Variants in NRG1 observed in about 807,000 individuals in gnomAD.
The protein encoded by NRG1 is neuregulin 1.
Under a neutral mutation model 63.8 loss-of-function variants are expected in NRG1, and 18 were observed. The observed-to-expected ratio is 0.28, with a 90% confidence interval of 0.19 to 0.42. NRG1 has a LOEUF of 0.42. Ranked by LOEUF, NRG1 falls within the 10% of genes least tolerant of loss-of-function variation. The probability of loss-of-function intolerance (pLI) is 1.00; values close to 1 mark genes in which losing one functional copy is unlikely to be tolerated. For synonymous variants in NRG1, 302 were observed against 301.3 expected, an observed-to-expected ratio of 1.00 and a Z score of -0.02; for missense variants, 762 against 814.7, an observed-to-expected ratio of 0.94 and a Z score of 0.79.
At chr8:32,200,550 C>T (rs1337149479) in intron 1 of NRG1, among the ~76,000 whole-genome samples, 1 of 152,132 alleles carries the variant, frequency 6.6e-6, no homozygotes, top group Non-Finnish European at 1.5e-5. Flanking sequence ...CACTAGCTAC[C>T]TCAACTGTCC....
intron 1 of NRG1, among the ~76,000 whole-genome samples, chr8:31,686,520 T>C (rs1414160186): frequency 6.6e-6 from 1 of 152,178 alleles, no homozygotes; most frequent in Non-Finnish European, 1.5e-5. Context: ...AAAATGTTTC[T>C]GAAATGGAAA....
chr8:32,727,468 T>C (rs899294884), intron 5 of NRG1, among the ~76,000 whole-genome samples: 1 of 152,182 alleles, frequency 6.6e-6, no homozygotes, highest in African/African-American at 2.4e-5. Flanking sequence ...CTTGTGTTTC[T>C]TTTTCAATAT....
chr8:32,648,791 A>G (rs1336750920), intron 5 of NRG1, among the ~76,000 whole-genome samples: 1 of 152,136 alleles, frequency 6.6e-6, no homozygotes, highest in Non-Finnish European at 1.5e-5. Flanking sequence ...CTTCCCCATC[A>G]TAGATTTCCT....
At chr8:32,495,654 G>T (rs1018855056) in intron 1 of NRG1, among the ~76,000 whole-genome samples, 35 of 152,208 alleles carry the variant, frequency 2.3e-4, no homozygotes, top group African/African-American at 6.3e-4. Flanking sequence ...GTAGAGATGG[G>T]GTTTCGCCAC....
chr8:32,149,896 A>T (rs1236425374), intron 1 of NRG1, among the ~76,000 whole-genome samples: 1 of 152,236 alleles, frequency 6.6e-6, no homozygotes, highest in Non-Finnish European at 1.5e-5. Context: ...ATTCAAGAGG[A>T]ATACTAAATA....
intron 1 of NRG1, among the ~76,000 whole-genome samples, chr8:32,389,508 G>A (rs547826693): frequency 1.9e-4 from 29 of 152,080 alleles, no homozygotes; most frequent in Middle Eastern, 3.4e-3. Context: ...TCACTTGTCC[G>A]CTGAAAGATG....
At chr8:31,870,084 G>A (rs913078305) in intron 1 of NRG1, among the ~76,000 whole-genome samples, 11 of 152,118 alleles carry the variant, frequency 7.2e-5, no homozygotes, top group Non-Finnish European at 1.3e-4. Context: ...AATGAGTTTA[G>A]GTTTTTCTTT....
At chr8:31,745,885 T>C (rs1043139065) in intron 1 of NRG1, among the ~76,000 whole-genome samples, 1 of 151,876 alleles carries the variant, frequency 6.6e-6, no homozygotes, top group Non-Finnish European at 1.5e-5. Context: ...TGGAGGTTAT[T>C]TGAAAAATAC....
chr8:31,838,171 T>A (rs995581063), intron 1 of NRG1, among the ~76,000 whole-genome samples: 4 of 152,126 alleles, frequency 2.6e-5, no homozygotes, highest in Non-Finnish European at 4.4e-5. Context: ...TCTAAAGATG[T>A]AAAGTATGAC....
At chr8:31,712,430 G>A (rs7841434) in intron 1 of NRG1, among the ~76,000 whole-genome samples, 74,852 of 151,470 alleles carry the variant, frequency 0.49, 20,342 homozygotes, top group Non-Finnish European at 0.62. Context: ...CACCACATCC[G>A]GCTAATTTTT....
At chr8:31,857,495 G>C (rs1828029620) in intron 1 of NRG1, among the ~76,000 whole-genome samples, 1 of 152,184 alleles carries the variant, frequency 6.6e-6, no homozygotes, top group Non-Finnish European at 1.5e-5. Context: ...CGCACCCACT[G>C]ACCTGCGCCC....
At chr8:31,770,883 C>G (rs1818561722) in intron 1 of NRG1, among the ~76,000 whole-genome samples, 1 of 151,036 alleles carries the variant, frequency 6.6e-6, no homozygotes, top group Admixed American at 6.6e-5. Flanking sequence ...TCCCACAGTC[C>G]CTGTTACCTA....
At chr8:32,447,971 G>C (rs1015528674) in intron 1 of NRG1, among the ~76,000 whole-genome samples, 1 of 152,068 alleles carries the variant, frequency 6.6e-6, no homozygotes, top group African/African-American at 2.4e-5. Flanking sequence ...AATCTTAGGG[G>C]TTGAAATTTT....
intron 1 of NRG1, among the ~76,000 whole-genome samples, chr8:31,874,989 T>A (rs892923765): frequency 3.9e-5 from 6 of 152,186 alleles, no homozygotes; most frequent in Non-Finnish European, 8.8e-5. Context: ...TGCATAAAAA[T>A]GACAAGGTTA....
chr8:32,556,586 T>C (rs1835210371), intron 1 of NRG1, among the ~76,000 whole-genome samples: 1 of 152,188 alleles, frequency 6.6e-6, no homozygotes, highest in African/African-American at 2.4e-5. Context: ...TGGAGTAATA[T>C]GAAAAAAGGA....
intron 1 of NRG1, among the ~76,000 whole-genome samples, chr8:31,888,019 A>AT (rs1830855612): frequency 6.6e-6 from 1 of 151,764 alleles, no homozygotes; most frequent in Admixed American, 6.6e-5. Context: ...TATAAACCCA[A>AT]TATGTAATTG....
At chr8:32,174,306 C>T (rs1840433135) in intron 1 of NRG1, among the ~76,000 whole-genome samples, 1 of 151,994 alleles carries the variant, frequency 6.6e-6, no homozygotes, top group Non-Finnish European at 1.5e-5. Flanking sequence ...ACACAACATA[C>T]CAGAATCTCT....
intron 1 of NRG1, among the ~76,000 whole-genome samples, chr8:31,980,533 C>G (rs1163259547): frequency 6.6e-6 from 1 of 152,038 alleles, no homozygotes; most frequent in Non-Finnish European, 1.5e-5. Context: ...TCTGTATCCA[C>G]TGGCTATATA....
exon 1 of NRG1, chr8:32,548,646 T>C: frequency 2.7e-6 from 4 of 1,475,442 alleles, no homozygotes; most frequent in Non-Finnish European, 3.6e-6. Context: ...GGACAAACTT[T>C]TCCCAAACCC....
Sources: gnomAD v4.1 joint callset for allele counts (sites outside exome capture counted in the v4.1 genomes callset) on GRCh38, gnomAD v4.1.1 for gene constraint, MANE v1.5 for transcripts, NCBI Gene and HGNC (gene_info 2026-07-23, HGNC 2026-07-21) for gene names.